The following RNF212 variants were observed in gnomAD, a reference collection of about 807,000 sequenced individuals.
RNF212 encodes probable E3 SUMO-protein ligase RNF212.
RNF212 carries 33 observed loss-of-function variants against 34.7 expected under a neutral mutation model. The observed-to-expected ratio is 0.95, with a 90% CI of 0.72 to 1.27. The LOEUF (loss-of-function observed/expected upper bound fraction) is 1.27, where lower values mean the gene tolerates loss of function less well. Ranked by LOEUF, RNF212 falls within the 50% of genes most tolerant of loss-of-function variation. The pLI, the probability that RNF212 is intolerant of heterozygous loss-of-function variation, is 0.00. For missense variants in RNF212, 377 were observed against 362.2 expected (o/e 1.04, Z -0.33); for synonymous variants, 140 against 136.1 (o/e 1.03, Z -0.20).
intron 1 of RNF212, among the ~76,000 whole-genome samples, chr4:1,111,526 C>T (rs1560174107): frequency 6.6e-6 from 1 of 152,132 alleles, no homozygotes; most frequent in Non-Finnish European, 1.5e-5. Flanking sequence ...GCAGTGAAAC[C>T]CTGTCCAGTT....
chr4:1,100,197 T>G, intron 2 of RNF212: 1 of 305,494 alleles, frequency 3.3e-6, no homozygotes, highest in South Asian at 2.9e-5. Flanking sequence ...GCTTACTGCT[T>G]TCCCGTGATA....
At chr4:1,077,289 T>C (rs531108521) in intron 8 of RNF212, among the ~76,000 whole-genome samples, 1 of 152,348 alleles carries the variant, frequency 6.6e-6, no homozygotes, top group Admixed American at 6.5e-5. Flanking sequence ...TGTCTGGTCT[T>C]TGCCCCTCAC....
In RNF212 at chr4:1,099,723, C is replaced by T; in HGVS notation, c.172-2884G>A. Reference sequence around the variant, plus strand: ...TACATAGTTAAATCTCACAGCGTGACTGAAGGCCTTTGCTGCGTCTGACGT... The same window carrying T: ...TACATAGTTAAATCTCACAGCGTGATTGAAGGCCTTTGCTGCGTCTGACGT... On this transcript the variant is annotated intron_variant, in intron 2 of 9. Coordinates refer to ENST00000433731, the MANE Select transcript of RNF212 (RefSeq NM_001131034.4). The T allele has an allele frequency of 6.6e-6, 3 of 456,262 alleles. 1 individual carries two copies. The highest frequency in any genetic ancestry group is 1.3e-5 in the Non-Finnish European group (3 of 226,958). 28.3% of individuals were successfully genotyped at this position (456,262 alleles called of 1,614,324 possible).
At chr4:1,109,436 C>T (rs1725317155) in intron 1 of RNF212, among the ~76,000 whole-genome samples, 1 of 152,232 alleles carries the variant, frequency 6.6e-6, no homozygotes. Flanking sequence ...CTTCACACTC[C>T]TGTCATTCCA....
intron 3 of RNF212, among the ~76,000 whole-genome samples, chr4:1,066,383 C>G (rs1351633329): frequency 6.6e-6 from 1 of 152,216 alleles, no homozygotes; most frequent in Non-Finnish European, 1.5e-5. Flanking sequence ...GGCTGGAGTG[C>G]AGTGGCACAA....
chr4:1,112,069 G>C (rs1035910099), intron 1 of RNF212, among the ~76,000 whole-genome samples: 1 of 152,192 alleles, frequency 6.6e-6, no homozygotes, highest in Non-Finnish European at 1.5e-5. Flanking sequence ...TCAGGGGTGC[G>C]TGGCTGCACA....
At chr4:1,090,971 C>T (rs1390120995) in intron 3 of RNF212, 133 bp from the exon 4 acceptor site, 5 of 617,652 alleles carry the variant, frequency 8.1e-6, no homozygotes, top group Non-Finnish European at 1.4e-5. Flanking sequence ...GTCCTGCCCC[C>T]ACAGACGCCC....
intron 8 of RNF212, among the ~76,000 whole-genome samples, chr4:1,078,915 A>G (rs925853861): frequency 2.0e-5 from 3 of 151,092 alleles, no homozygotes; most frequent in African/African-American, 7.4e-5. Context: ...TCAACACAGG[A>G]CCAACACGGG....
At chr4:1,082,895 G>C (rs1158823210) in intron 5 of RNF212, among the ~76,000 whole-genome samples, 1 of 152,206 alleles carries the variant, frequency 6.6e-6, no homozygotes, top group Non-Finnish European at 1.5e-5. Context: ...ACTTGCTCCT[G>C]ATTCCAGACA....
intron 1 of RNF212, among the ~76,000 whole-genome samples, chr4:1,111,951 T>G (rs988485228): frequency 2.0e-5 from 3 of 152,164 alleles, no homozygotes; most frequent in African/African-American, 7.2e-5. Context: ...TGATAAACTT[T>G]GCTAATCCCA....
chr4:1,085,750 CT>C, intron 5 of RNF212, 145 bp downstream of exon 5: 1 of 668,188 alleles, frequency 1.5e-6, no homozygotes, highest in Non-Finnish European at 2.7e-6. Context: ...AGCATTTTTG[CT>C]CTGATGAAAG....
At chr4:1,063,196 G>A (rs778428838) in intron 3 of RNF212, among the ~76,000 whole-genome samples, 6 of 152,068 alleles carry the variant, frequency 3.9e-5, no homozygotes, top group Non-Finnish European at 8.8e-5. Context: ...CAGCAGAAAT[G>A]GGAAAGTTGA....
At chr4:1,078,923 G>GGGACCAACACA (rs1553803095) in intron 8 of RNF212, among the ~76,000 whole-genome samples, 11,911 of 101,630 alleles carry the variant, frequency 0.12, 2,465 homozygotes, top group African/African-American at 0.33. Context: ...GGACCAACAC[G>GGGACCAACACA]GGACCAACAC....
rs148323317 is a variant in RNF212, at chr4:1,107,853, C to G, written c.171+490G>C. Among the ~76,000 whole-genome samples the G allele has an allele frequency of 2.1e-3, 326 of 152,314 alleles. 4 individuals carry two copies. The highest frequency in any genetic ancestry group is 7.5e-3 in the African/African-American group (310 of 41,560). ...AAAACAACTATTATATTTAAATCAT[C>G]AGACCAAATGCACATTTTGGAGATC... is the stretch of plus-strand genomic sequence containing the variant. On this transcript the variant is annotated intron_variant, in intron 2 of 9. Coordinates refer to ENST00000433731, the MANE Select transcript of RNF212 (RefSeq NM_001131034.4).
intron 5 of RNF212, among the ~76,000 whole-genome samples, chr4:1,083,857 C>T (rs1278460284): frequency 6.6e-6 from 1 of 150,968 alleles, no homozygotes; most frequent in Non-Finnish European, 1.5e-5. Context: ...AGGAATTTTA[C>T]AGAACTGATG....
At chr4:1,075,658 C>T (rs1462050473) in intron 8 of RNF212, among the ~76,000 whole-genome samples, 1 of 152,214 alleles carries the variant, frequency 6.6e-6, no homozygotes, top group Non-Finnish European at 1.5e-5. Flanking sequence ...ACTATATCAG[C>T]TGGTTTCCCT....
At chr4:1,060,456 T>G (rs1259787572) in intron 3 of RNF212, among the ~76,000 whole-genome samples, 1 of 152,096 alleles carries the variant, frequency 6.6e-6, no homozygotes, top group South Asian at 2.1e-4. Context: ...CTAGGCCAGC[T>G]CTCGAGAGCA....
At chr4:1,085,753 T>C (rs933942736) in intron 5 of RNF212, 143 bp downstream of exon 5, 4 of 678,364 alleles carry the variant, frequency 5.9e-6, no homozygotes, top group South Asian at 5.1e-5. Context: ...ATTTTTGCTC[T>C]GATGAAAGTT....
At chr4:1,058,794 G>C (rs1273330400) in intron 3 of RNF212, among the ~76,000 whole-genome samples, 2 of 152,204 alleles carry the variant, frequency 1.3e-5, no homozygotes, top group African/African-American at 4.8e-5. Context: ...TCTGCGAGGG[G>C]AGCCTGCCCG....
Sources: gnomAD v4.1 joint callset for allele counts (sites outside exome capture counted in the v4.1 genomes callset) on GRCh38, gnomAD v4.1.1 for gene constraint, MANE v1.5 for transcripts, NCBI Gene and HGNC (gene_info 2026-07-23, HGNC 2026-07-21) for gene names.